The following KCNK1 variants were observed in gnomAD, a reference collection of about 807,000 sequenced individuals.
KCNK1 encodes the protein potassium two pore domain channel subfamily K member 1.
In KCNK1, 10 loss-of-function variants were observed where a neutral mutation model predicts 22.2. The observed-to-expected ratio is 0.45, with a 90% CI of 0.28 to 0.76. KCNK1 has a LOEUF of 0.76. Among genes scored for constraint, KCNK1 ranks in the 30% least tolerant of loss-of-function variants. The pLI, the probability that KCNK1 is intolerant of heterozygous loss-of-function variation, is 0.14. For missense variants in KCNK1, 378 were observed against 421.0 expected (o/e 0.90, Z 0.89); for synonymous variants, 200 against 186.4 (o/e 1.07, Z -0.60).
At chr1:233,639,587 A>G (rs1160130593) in intron 1 of KCNK1, among the ~76,000 whole-genome samples, 3 of 152,218 alleles carry the variant, frequency 2.0e-5, no homozygotes, top group South Asian at 2.1e-4. Context: ...CTGACAAAGC[A>G]TTGAACATTC....
intron 1 of KCNK1, among the ~76,000 whole-genome samples, chr1:233,660,132 A>G (rs766906822): frequency 2.0e-5 from 3 of 152,242 alleles, no homozygotes; most frequent in Non-Finnish European, 4.4e-5. Context: ...ATATTTTACA[A>G]TGAAAATATA....
intron 1 of KCNK1, among the ~76,000 whole-genome samples, chr1:233,646,248 A>G (rs1390436479): frequency 6.6e-6 from 1 of 152,188 alleles, no homozygotes. Context: ...TTAGCTCTAT[A>G]ATGGAGTCTC....
chr1:233,656,615 T>C (rs1558117893), intron 1 of KCNK1, among the ~76,000 whole-genome samples: 1 of 152,176 alleles, frequency 6.6e-6, no homozygotes, highest in Non-Finnish European at 1.5e-5. Flanking sequence ...TATTTATTTC[T>C]TTATTATTTA....
rs1488706549 is a variant in KCNK1, at chr1:233,666,729, C to G, written c.490C>G (p.Pro164Ala). 1 of 1,614,160 alleles carries G rather than the reference C, an allele frequency of 6.2e-7. No homozygotes were observed. The highest frequency in any genetic ancestry group is 8.5e-7 in the Non-Finnish European group (1 of 1,180,032). The change falls in exon 2 of 3, where the codon CCG becomes GCG. Residue 164 changes from proline to alanine, a missense_variant. By Grantham distance (27) the Pro-to-Ala change is conservative. Transcript: ENST00000366621. Reference sequence around the variant, plus strand: ...CATCACCGTGCACGTCACCCGCAGGCCGGTCCTCTACTTCCACATCCGCTG... The same window carrying G: ...CATCACCGTGCACGTCACCCGCAGGGCGGTCCTCTACTTCCACATCCGCTG... ...QRITVHVTRR[P>A]VLYFHIRWGF... is the part of the protein sequence containing the mutation.
chr1:233,643,002 G>A (rs566945239), intron 1 of KCNK1, among the ~76,000 whole-genome samples: 1 of 148,254 alleles, frequency 6.7e-6, no homozygotes, highest in Non-Finnish European at 1.5e-5. Flanking sequence ...GGCTGGTCTC[G>A]AACTTTTGAC....
intron 1 of KCNK1, among the ~76,000 whole-genome samples, chr1:233,657,611 AAGAG>A (rs966171163): frequency 7.9e-5 from 12 of 152,038 alleles, no homozygotes; most frequent in African/African-American, 2.2e-4. Context: ...GAAAGAAAGA[AAGAG>A]AGAAAAAGAA....
chr1:233,654,996 C>T (rs963360480), intron 1 of KCNK1, among the ~76,000 whole-genome samples: 1 of 152,086 alleles, frequency 6.6e-6, no homozygotes, highest in Non-Finnish European at 1.5e-5. Flanking sequence ...TAGGACCACC[C>T]CAGCAGCCCC....
chr1:233,669,233 G>A (rs1658553799), intron 2 of KCNK1, among the ~76,000 whole-genome samples: 1 of 152,134 alleles, frequency 6.6e-6, no homozygotes, highest in African/African-American at 2.4e-5. Context: ...AAAGTAGAAT[G>A]TTTCTGTAAT....
intron 1 of KCNK1, chr1:233,649,941 G>A (rs1658169788): frequency 1.9e-6 from 1 of 533,418 alleles, no homozygotes; most frequent in South Asian, 1.4e-5. Context: ...TAAATGATGG[G>A]TCCTGAGGGT....
intron 2 of KCNK1, among the ~76,000 whole-genome samples, chr1:233,667,739 A>G (rs899460215): frequency 6.6e-6 from 1 of 151,508 alleles, no homozygotes; most frequent in African/African-American, 2.4e-5. Context: ...CAAAAAAAAA[A>G]AAAAAAAAAA....
intron 2 of KCNK1, 34 bp from the exon 3 acceptor site, chr1:233,671,237 A>C: frequency 1.9e-6 from 3 of 1,605,998 alleles, no homozygotes; most frequent in Non-Finnish European, 2.6e-6. Context: ...CCATGTTGAG[A>C]TCACACTAAG....
intron 1 of KCNK1, among the ~76,000 whole-genome samples, chr1:233,661,319 G>A (rs1658389315): frequency 6.6e-6 from 1 of 152,186 alleles, no homozygotes; most frequent in Admixed American, 6.5e-5. Context: ...TAAGTGTGGT[G>A]TATTAATTTA....
At chr1:233,643,822 A>C (rs1423820651) in intron 1 of KCNK1, among the ~76,000 whole-genome samples, 1 of 152,234 alleles carries the variant, frequency 6.6e-6, no homozygotes, top group Non-Finnish European at 1.5e-5. Flanking sequence ...CCTCCTGGTC[A>C]TAGTCAACAA....
intron 1 of KCNK1, among the ~76,000 whole-genome samples, chr1:233,663,145 G>C (rs1226119143): frequency 2.6e-5 from 4 of 152,198 alleles, no homozygotes; most frequent in Non-Finnish European, 5.9e-5. Context: ...TTTACTCAAT[G>C]TGGCCTGTGC....
At chr1:233,633,281 C>A (rs550529341) in intron 1 of KCNK1, among the ~76,000 whole-genome samples, 119 of 150,284 alleles carry the variant, frequency 7.9e-4, no homozygotes, top group African/African-American at 2.3e-3. Context: ...AACAAACAAA[C>A]AAAAAAAACC....
chr1:233,661,849 T>C (rs942366431), intron 1 of KCNK1: 1 of 152,218 alleles, frequency 6.6e-6, no homozygotes, highest in African/African-American at 2.4e-5. Context: ...AAACAACTTA[T>C]TTCCAGCAAA....
chr1:233,664,511 C>T (rs1658455538), intron 1 of KCNK1, among the ~76,000 whole-genome samples: 1 of 152,196 alleles, frequency 6.6e-6, no homozygotes, highest in Non-Finnish European at 1.5e-5. Flanking sequence ...AGCCAACACT[C>T]AGAACAAGAG....
At chr1:233,636,346 G>C (rs1457753273) in intron 1 of KCNK1, among the ~76,000 whole-genome samples, 6 of 152,214 alleles carry the variant, frequency 3.9e-5, no homozygotes, top group African/African-American at 1.2e-4. Flanking sequence ...GTAATCCTCA[G>C]AGAGATCTCC....
intron 1 of KCNK1, among the ~76,000 whole-genome samples, chr1:233,651,876 C>T (rs960023040): frequency 6.6e-6 from 1 of 152,150 alleles, no homozygotes; most frequent in Non-Finnish European, 1.5e-5. Flanking sequence ...TCCTACAAGA[C>T]GTTTATGTGG....
Sources: gnomAD v4.1 joint callset for allele counts (sites outside exome capture counted in the v4.1 genomes callset) on GRCh38, gnomAD v4.1.1 for gene constraint, MANE v1.5 for transcripts, NCBI Gene and HGNC (gene_info 2026-07-23, HGNC 2026-07-21) for gene names.